Variants in ABCA12 observed in about 807,000 individuals in gnomAD.
ABCA12 encodes glucosylceramide transporter ABCA12.
In ABCA12, 156 loss-of-function variants were observed where a neutral mutation model predicts 293.5. The ratio of observed to expected loss-of-function variants is 0.53; its 90% CI spans 0.47 to 0.61. The LOEUF (loss-of-function observed/expected upper bound fraction) is 0.61. Ranked by LOEUF, ABCA12 falls within the 20% of genes least tolerant of loss-of-function variation. ABCA12 has a pLI of 0.00. For missense variants in ABCA12, 2,797 were observed against 3,090.2 expected, an observed-to-expected ratio of 0.91 and a Z score of 2.25; for synonymous variants, 1,063 against 1,108.0, an observed-to-expected ratio of 0.96 and a Z score of 0.81.
intron 19 of ABCA12, among the ~76,000 whole-genome samples, chr2:215,005,290 T>A (rs966114310): frequency 2.6e-5 from 4 of 152,246 alleles, no homozygotes; most frequent in Non-Finnish European, 4.4e-5. Context: ...TGTTTTTTCA[T>A]CACATGTGTA....
intron 22 of ABCA12, among the ~76,000 whole-genome samples, chr2:214,998,595 GCCCAGATGTATT>G (rs941528864): frequency 1.5e-4 from 23 of 152,176 alleles, no homozygotes; most frequent in African/African-American, 5.1e-4. Context: ...ACATCCTCAA[GCCCAGATGTATT>G]CCTCAATGTC....
At chr2:215,125,650 C>T (rs114223794) in intron 1 of ABCA12, among the ~76,000 whole-genome samples, 6,670 of 152,106 alleles carry the variant, frequency 0.044, 184 homozygotes, top group Middle Eastern at 0.072. Flanking sequence ...ATCTTGTATC[C>T]GGAAACTTCA....
intron 52 of ABCA12, 46 bp downstream of exon 52, chr2:214,934,032 T>C (rs747068084): frequency 1.3e-6 from 2 of 1,578,400 alleles, no homozygotes; most frequent in Admixed American, 1.7e-5. Flanking sequence ...TGAATAATAA[T>C]ATTAATATGT....
At chr2:215,125,054 A>G (rs979209637) in intron 1 of ABCA12, among the ~76,000 whole-genome samples, 1 of 152,040 alleles carries the variant, frequency 6.6e-6, no homozygotes, top group Non-Finnish European at 1.5e-5. Flanking sequence ...ATTTGTTGAA[A>G]AGGGTGTCCT....
chr2:215,063,368 C>T (rs12477752), intron 3 of ABCA12, among the ~76,000 whole-genome samples: 89,591 of 151,746 alleles, frequency 0.59, 26,849 homozygotes, highest in East Asian at 0.69. Context: ...ACAGAATTAG[C>T]GCATGGTTGA....
At chr2:214,985,962 T>A (rs1421118187) in intron 28 of ABCA12, among the ~76,000 whole-genome samples, 1 of 152,224 alleles carries the variant, frequency 6.6e-6, no homozygotes, top group Non-Finnish European at 1.5e-5. Flanking sequence ...AAGAACAGCT[T>A]ATGTTCTGCT....
chr2:215,016,063 G>T (rs1259927709), intron 14 of ABCA12, among the ~76,000 whole-genome samples: 3 of 151,806 alleles, frequency 2.0e-5, no homozygotes, highest in Non-Finnish European at 4.4e-5. Context: ...AGAATGACGT[G>T]AACCCTGGAG....
intron 45 of ABCA12, among the ~76,000 whole-genome samples, chr2:214,950,372 GTATA>G (rs754787817): frequency 4.5e-4 from 40 of 88,124 alleles, no homozygotes; most frequent in East Asian, 2.4e-3. Context: ...ATATGTGTGT[GTATA>G]TATATATCTG....
intron 7 of ABCA12, among the ~76,000 whole-genome samples, chr2:215,045,331 C>T (rs1253944810): frequency 1.3e-5 from 2 of 152,136 alleles, no homozygotes; most frequent in Non-Finnish European, 2.9e-5. Flanking sequence ...AACTGATATG[C>T]AGGCTTGGAA....
In ABCA12 at chr2:214,978,975, A is replaced by T. The variant is rs761236798; in HGVS notation, c.4806T>A (p.His1602Gln). 6.2e-7 allele frequency: 1 copy of T among 1,614,016 alleles called. No homozygotes were observed. Among genetic ancestry groups the T allele is most frequent in the Non-Finnish European group, 8.5e-7 (1 of 1,179,968 alleles). ...TMAVTAMIQS[H>Q]LPEAYLKEDI... ...CCTCCTTGAGGTAGGCTTCGGGGAG[A>T]TGTGATTGGATCATTGCTGTCACGG... Residue 1602 changes from histidine (H) to glutamine (Q), a missense_variant, in exon 32 of 53, where the codon CAT (histidine) becomes CAA (glutamine). Transcript: ENST00000272895.
intron 51 of ABCA12, among the ~76,000 whole-genome samples, chr2:214,937,015 ATTTG>A (rs1398334823): frequency 6.6e-6 from 1 of 152,116 alleles, no homozygotes; most frequent in Non-Finnish European, 1.5e-5. Flanking sequence ...AATTGATGCT[ATTTG>A]TTCATACTAA....
chr2:214,974,836 C>G lies in ABCA12; in HGVS notation c.5410G>C (p.Val1804Leu), dbSNP rs961961731. 2 of 1,614,092 alleles carry G rather than the reference C, an allele frequency of 1.2e-6. No individual in the cohort carries two copies. The highest frequency in any genetic ancestry group is 8.5e-7 in the Non-Finnish European group (1 of 1,179,980). ...ANYHPSTEALVSAMWDFPGID... is the reference protein window; with the variant it reads ...ANYHPSTEALLSAMWDFPGID... The stretch of plus-strand genomic sequence containing the variant: ...CCAGGGAAGTCCCACATTGCTGAGA[C>G]AAGTGCTTCCGTGCTCGGGTGATAA... The change falls in exon 35 of 53, where the codon GTC (valine) becomes CTC (leucine). Residue 1804 changes from valine (V) to leucine (L), a missense_variant. Transcript: ENST00000272895.
chr2:215,017,099 G>A (rs1347366187), intron 14 of ABCA12, among the ~76,000 whole-genome samples: 3 of 152,190 alleles, frequency 2.0e-5, no homozygotes, highest in South Asian at 2.1e-4. Flanking sequence ...TTTAATTTTT[G>A]TATGGGGGAA....
At chr2:215,010,594 A>G (rs765345276) in intron 17 of ABCA12, 124 bp from the exon 18 acceptor site, 15 of 1,119,304 alleles carry the variant, frequency 1.3e-5, no homozygotes, top group Non-Finnish European at 1.8e-5. Flanking sequence ...TTCCTATATT[A>G]TTAACAGATG....
intron 2 of ABCA12, among the ~76,000 whole-genome samples, chr2:215,099,197 A>C (rs1702303538): frequency 6.6e-6 from 1 of 152,228 alleles, no homozygotes; most frequent in Non-Finnish European, 1.5e-5. Flanking sequence ...AGGACACTCA[A>C]GTAGCTTCAA....
intron 20 of ABCA12, among the ~76,000 whole-genome samples, chr2:215,003,338 C>G (rs1165398552): frequency 6.6e-6 from 1 of 152,170 alleles, no homozygotes; most frequent in Admixed American, 6.5e-5. Flanking sequence ...CTTTGATCTT[C>G]TGCAGCCTCT....
chr2:215,025,869 C>T (rs1483413867), intron 10 of ABCA12, 90 bp from the exon 11 acceptor site: 20 of 864,376 alleles, frequency 2.3e-5, no homozygotes, highest in Non-Finnish European at 3.4e-5. Context: ...TGACTTATTA[C>T]TAAATTTTTC....
chr2:214,981,942 TTTATTA>T (rs200886578), intron 30 of ABCA12, among the ~76,000 whole-genome samples: 4,162 of 128,590 alleles, frequency 0.032, 188 homozygotes, highest in African/African-American at 0.088. Flanking sequence ...GTCAGCTGTT[TTTATTA>T]TTATTATTAT....
At chr2:215,009,397 A>C (rs1233686822) in intron 18 of ABCA12, among the ~76,000 whole-genome samples, 3 of 152,146 alleles carry the variant, frequency 2.0e-5, no homozygotes, top group African/African-American at 7.2e-5. Flanking sequence ...CTGTACAGCA[A>C]ACCCCCATGA....
Sources: gnomAD v4.1 joint callset for allele counts (sites outside exome capture counted in the v4.1 genomes callset) on GRCh38, gnomAD v4.1.1 for gene constraint, MANE v1.5 for transcripts, NCBI Gene and HGNC (gene_info 2026-07-23, HGNC 2026-07-21) for gene names.